DOCK3: variants seen among roughly 807,000 people sequenced by gnomAD.
The protein encoded by DOCK3 is dedicator of cytokinesis protein 3.
Under a neutral mutation model 265.6 loss-of-function variants are expected in DOCK3, and 60 were observed. The ratio of observed to expected loss-of-function variants is 0.23; its 90% CI spans 0.18 to 0.28. The LOEUF is 0.28. Among genes scored for constraint, DOCK3 ranks in the 10% least tolerant of loss-of-function variants. The pLI is 1.00. For synonymous variants in DOCK3, 881 were observed against 938.0 expected (o/e 0.94, Z 1.11); for missense variants, 1,981 against 2,594.3 (o/e 0.76, Z 5.14).
At chr3:51,309,255 C>G (rs1411143870) in intron 27 of DOCK3, among the ~76,000 whole-genome samples, 7 of 152,214 alleles carry the variant, frequency 4.6e-5, no homozygotes, top group Non-Finnish European at 1.0e-4. Context: ...GAGGTTGTAG[C>G]AAGCCGAGAT....
At chr3:50,946,330 G>A (rs1244699802) in intron 5 of DOCK3, among the ~76,000 whole-genome samples, 4 of 151,900 alleles carry the variant, frequency 2.6e-5, no homozygotes, top group South Asian at 2.1e-4. Context: ...GATAATGCCC[G>A]TTTTTTGCTG....
intron 5 of DOCK3, among the ~76,000 whole-genome samples, chr3:50,961,608 G>A (rs1055057668): frequency 6.6e-6 from 1 of 152,198 alleles, no homozygotes; most frequent in African/African-American, 2.4e-5. Flanking sequence ...ATCATTATAT[G>A]TGTAGCTTTA....
intron 5 of DOCK3, among the ~76,000 whole-genome samples, chr3:50,939,091 G>A (rs2051552954): frequency 6.6e-6 from 1 of 151,922 alleles, no homozygotes; most frequent in South Asian, 2.1e-4. Context: ...TTTATCAAGA[G>A]TAAAGAAAGA....
chr3:51,229,402 G>T, intron 18 of DOCK3, 110 bp from the exon 19 acceptor site: 1 of 652,218 alleles, frequency 1.5e-6, no homozygotes, highest in South Asian at 3.4e-5. Context: ...AGTGAGCTGA[G>T]ATCATACAAC....
intron 5 of DOCK3, among the ~76,000 whole-genome samples, chr3:51,010,738 G>A (rs928473669): frequency 1.3e-5 from 2 of 152,154 alleles, no homozygotes; most frequent in Admixed American, 6.5e-5. Context: ...AATTTGGCAC[G>A]CTTTTTCAGT....
intron 2 of DOCK3, among the ~76,000 whole-genome samples, chr3:50,830,579 C>T (rs1051731521): frequency 7.2e-5 from 11 of 152,022 alleles, no homozygotes; most frequent in African/African-American, 2.7e-4. Flanking sequence ...TTGGTTTGCA[C>T]CTGGAATCTT....
intron 1 of DOCK3, among the ~76,000 whole-genome samples, chr3:50,772,296 G>A (rs1478763891): frequency 1.3e-5 from 2 of 152,212 alleles, no homozygotes; most frequent in African/African-American, 4.8e-5. Flanking sequence ...TAGAGGGTGC[G>A]AAGGGTAGTG....
At chr3:51,347,171 T>A (rs1295157710) in intron 38 of DOCK3, among the ~76,000 whole-genome samples, 1 of 152,228 alleles carries the variant, frequency 6.6e-6, no homozygotes, top group Non-Finnish European at 1.5e-5. Flanking sequence ...ACTTTGGCTT[T>A]TGTTGCCATT....
chr3:50,765,435 A>G (rs1358856891), intron 1 of DOCK3, among the ~76,000 whole-genome samples: 1 of 152,152 alleles, frequency 6.6e-6, no homozygotes, highest in Non-Finnish European at 1.5e-5. Context: ...ACAGAGCCAA[A>G]CAGTCTATTA....
intron 45 of DOCK3, 41 bp downstream of exon 45, chr3:51,357,882 A>G: frequency 6.2e-7 from 1 of 1,613,734 alleles, no homozygotes. Context: ...CCAGGTGAGA[A>G]AAGCCATGCA....
chr3:51,081,638 G>A (rs1284363920), intron 7 of DOCK3, among the ~76,000 whole-genome samples: 1 of 152,136 alleles, frequency 6.6e-6, no homozygotes, highest in East Asian at 1.9e-4. Context: ...GCTCACGCCT[G>A]TAATCCCAGC....
At chr3:51,249,501 TG>T (rs1378576760) in intron 22 of DOCK3, among the ~76,000 whole-genome samples, 1 of 58,308 alleles carries the variant, frequency 1.7e-5, no homozygotes, top group African/African-American at 7.0e-5. Context: ...GGGAGGGAGG[TG>T]GGGGGGTCAG....
At chr3:50,847,462 C>T (rs569921522) in intron 3 of DOCK3, among the ~76,000 whole-genome samples, 24 of 152,118 alleles carry the variant, frequency 1.6e-4, no homozygotes, top group African/African-American at 5.1e-4. Context: ...GAGAATGTCC[C>T]GTGGTTGATG....
chr3:50,999,103 T>C (rs1415254750), intron 5 of DOCK3, among the ~76,000 whole-genome samples: 2 of 152,220 alleles, frequency 1.3e-5, no homozygotes, highest in Non-Finnish European at 2.9e-5. Context: ...GTGAAGCAAA[T>C]ATTTCTAAAG....
At chr3:51,282,092 A>C (rs2081155930) in intron 27 of DOCK3, among the ~76,000 whole-genome samples, 1 of 152,146 alleles carries the variant, frequency 6.6e-6, no homozygotes, top group Non-Finnish European at 1.5e-5. Flanking sequence ...CTCACATTCT[A>C]TACCCGACCC....
At chr3:51,332,408 G>T (rs1412974094) in intron 33 of DOCK3, among the ~76,000 whole-genome samples, 1 of 152,214 alleles carries the variant, frequency 6.6e-6, no homozygotes, top group African/African-American at 2.4e-5. Flanking sequence ...TGGACATTTA[G>T]CTCCTGGCTC....
At chr3:51,116,450 C>CAAAAAA (rs55898136) in intron 9 of DOCK3, among the ~76,000 whole-genome samples, 2 of 54,942 alleles carry the variant, frequency 3.6e-5, no homozygotes, top group South Asian at 1.0e-3. Context: ...GACTCCATCT[C>CAAAAAA]AAAAAAAAAA....
intron 1 of DOCK3, among the ~76,000 whole-genome samples, chr3:50,680,233 A>G (rs1471996020): frequency 2.1e-5 from 3 of 141,160 alleles, no homozygotes; most frequent in Non-Finnish European, 4.6e-5. Context: ...TTTTTTTTAG[A>G]CAGAGTCTTG....
At chr3:50,776,596 T>C (rs1559624186) in intron 1 of DOCK3, among the ~76,000 whole-genome samples, 1 of 152,148 alleles carries the variant, frequency 6.6e-6, no homozygotes. Flanking sequence ...CATTCATTTG[T>C]TTTTGTTTTT....
Sources: gnomAD v4.1 joint callset for allele counts (sites outside exome capture counted in the v4.1 genomes callset) on GRCh38, gnomAD v4.1.1 for gene constraint, MANE v1.5 for transcripts, NCBI Gene and HGNC (gene_info 2026-07-23, HGNC 2026-07-21) for gene names.